Variants in COL5A1 observed in about 807,000 individuals in gnomAD.
COL5A1 encodes the protein collagen alpha-1(V) chain.
COL5A1 carries 16 observed loss-of-function variants against 263.7 expected under a neutral mutation model. The observed-to-expected ratio is 0.06, with a 90% CI of 0.04 to 0.09. COL5A1 has a LOEUF of 0.09. Ranked by LOEUF, COL5A1 falls within the 10% of genes least tolerant of loss-of-function variation. The pLI is 1.00. For missense variants in COL5A1, 2,036 were observed against 2,540.5 expected (o/e 0.80, Z 4.27); for synonymous variants, 1,012 against 1,004.5 (o/e 1.01, Z -0.14).
intron 1 of COL5A1, among the ~76,000 whole-genome samples, chr9:134,683,675 C>T (rs1375592972): frequency 6.6e-6 from 1 of 152,196 alleles, no homozygotes; most frequent in Non-Finnish European, 1.5e-5. Flanking sequence ...TGTGCAGGCC[C>T]CGGTCCTGCC....
At chr9:134,673,459 CAAA>C (rs35466442) in intron 1 of COL5A1, among the ~76,000 whole-genome samples, 195 of 103,068 alleles carry the variant, frequency 1.9e-3, no homozygotes, top group African/African-American at 6.2e-3. Context: ...GACTCCATCT[CAAA>C]AAAAAAAAAA....
Position 134,818,639 on chromosome 9 carries a change from C to T in COL5A1, c.4231-17C>T, listed in dbSNP as rs1383759096. 4 of 1,590,222 alleles carry T rather than the reference C, an allele frequency of 2.5e-6. No homozygotes were observed. Among genetic ancestry groups the T allele is most frequent in the East Asian group, 2.3e-5 (1 of 44,202 alleles). Reference sequence around the variant, plus strand: ...CCTAGAGCTCCGGACCTCATTCTGCCCTCCGCCGTCCTGCAGGGAGAAGCC... The same window carrying T: ...CCTAGAGCTCCGGACCTCATTCTGCTCTCCGCCGTCCTGCAGGGAGAAGCC... On this transcript the variant is annotated splice_polypyrimidine_tract_variant and intron_variant, in intron 54 of 65. Coordinates refer to ENST00000371817, the MANE Select transcript of COL5A1 (RefSeq NM_000093.5). This position sits in a 1 kb window ranked among gnomAD's most constrained non-coding sequence, Gnocchi z 6.0.
chr9:134,837,998 C>T (rs1308511527), intron 65 of COL5A1, among the ~76,000 whole-genome samples: 2 of 152,212 alleles, frequency 1.3e-5, no homozygotes, highest in Non-Finnish European at 2.9e-5. Flanking sequence ...CTCACTACCT[C>T]CTGAGACAGC....
intron 4 of COL5A1, among the ~76,000 whole-genome samples, chr9:134,701,788 C>T (rs767054183): frequency 2.0e-5 from 3 of 152,214 alleles, no homozygotes; most frequent in East Asian, 1.9e-4. Context: ...CGACCCAACT[C>T]GGGCTGGCCT....
In COL5A1 at chr9:134,742,154, A is replaced by G. The variant is rs1444766790; in HGVS notation, c.1494+3346A>G. On this transcript the variant is annotated intron_variant, in intron 11 of 65. Transcript: ENST00000371817. The surrounding 1 kb of genome is among the most constrained non-coding windows in gnomAD (Gnocchi z 4.6). ...TCACACACTCTGGTGAGCCCTGCAC[A>G]CTCTCCCGCTGCTCCCCTTGGATGA... Among the ~76,000 whole-genome samples the G allele has an allele frequency of 1.3e-5, 2 of 151,308 alleles. No individual in the cohort carries two copies. Among genetic ancestry groups the G allele is most frequent in the East Asian group, 3.9e-4 (2 of 5,124 alleles).
At chr9:134,773,464 C>G (rs979385347) in intron 26 of COL5A1, among the ~76,000 whole-genome samples, 1 of 152,174 alleles carries the variant, frequency 6.6e-6, no homozygotes, top group East Asian at 1.9e-4. Flanking sequence ...GTGCGCCAAC[C>G]TTCGTTCACC....
intron 1 of COL5A1, among the ~76,000 whole-genome samples, chr9:134,671,242 C>T (rs1211305465): frequency 6.6e-6 from 1 of 152,226 alleles, no homozygotes; most frequent in African/African-American, 2.4e-5. Context: ...CGGAGGGGAC[C>T]TTGAAGCTTG....
chr9:134,838,732 G>A (rs545796372), intron 65 of COL5A1, among the ~76,000 whole-genome samples: 237 of 152,338 alleles, frequency 1.6e-3, no homozygotes, highest in African/African-American at 5.5e-3. Flanking sequence ...CCCCAGGGCT[G>A]TTCTACTTCT....
intron 1 of COL5A1, among the ~76,000 whole-genome samples, chr9:134,685,071 T>TCCA (rs1832976032): frequency 7.3e-6 from 1 of 136,398 alleles, no homozygotes; most frequent in Non-Finnish European, 1.6e-5. Context: ...CATCCATCCA[T>TCCA]CCATCCATCC....
intron 20 of COL5A1, among the ~76,000 whole-genome samples, chr9:134,764,410 C>T (rs1262389981): frequency 9.2e-6 from 1 of 108,344 alleles, no homozygotes; most frequent in Non-Finnish European, 1.8e-5. Flanking sequence ...CATCCAGGGG[C>T]ATTGTGGGGG....
rs112797265 is a variant in COL5A1, at chr9:134,780,353, C to T, written c.2430+207C>T. On this transcript the variant is annotated intron_variant, in intron 28 of 65. Coordinates refer to ENST00000371817, the MANE Select transcript of COL5A1 (RefSeq NM_000093.5). Reference sequence around the variant, plus strand: ...AGTTGAGGATAGGCCCTCGGGTCCCCAGGGGCACATCTCCTAGCAGAGCTG... The same window carrying T: ...AGTTGAGGATAGGCCCTCGGGTCCCTAGGGGCACATCTCCTAGCAGAGCTG... Among the ~76,000 whole-genome samples the T allele has an allele frequency of 1.2e-3, 185 of 152,280 alleles. 1 individual carries two copies. Among genetic ancestry groups the T allele is most frequent in the African/African-American group, 4.2e-3 (176 of 41,552 alleles).
chr9:134,771,419 C>A (rs1263164564), intron 25 of COL5A1, among the ~76,000 whole-genome samples: 1 of 152,216 alleles, frequency 6.6e-6, no homozygotes, highest in Non-Finnish European at 1.5e-5. Context: ...AGCACGTCCC[C>A]TCCCAGCTGG....
At chr9:134,654,024 GAGTTGTGTA>G (rs1831794847) in intron 1 of COL5A1, among the ~76,000 whole-genome samples, 1 of 147,246 alleles carries the variant, frequency 6.8e-6, no homozygotes, top group Non-Finnish European at 1.5e-5. Flanking sequence ...TGTAGGGCTG[GAGTTGTGTA>G]GAGCTGGTGT....
intron 27 of COL5A1, among the ~76,000 whole-genome samples, chr9:134,777,243 C>T (rs1837086424): frequency 6.6e-6 from 1 of 152,250 alleles, no homozygotes; most frequent in African/African-American, 2.4e-5. Flanking sequence ...GAGTTCACAT[C>T]CAGGCCTTGG....
At position 134,680,582 on chromosome 9, in the gene COL5A1, G is replaced by A. The variant is rs867089025; in HGVS notation, c.110-10330G>A. 6.6e-6 allele frequency among the ~76,000 whole-genome samples: 1 copy of A among 152,216 alleles called. No individual in the cohort carries two copies. The highest frequency in any genetic ancestry group is 6.5e-5 in the Admixed American group (1 of 15,282). ...TGCTGCTCTCTGCTGTACCATGTCC[G>A]GTGAGGTCCTGAAGTGCAAAAGGCC... On this transcript the variant is annotated intron_variant, in intron 1 of 65. Coordinates refer to ENST00000371817, the MANE Select transcript of COL5A1 (RefSeq NM_000093.5). This position sits in a 1 kb window ranked among gnomAD's most constrained non-coding sequence, Gnocchi z 5.9.
intron 26 of COL5A1, among the ~76,000 whole-genome samples, chr9:134,774,036 G>A (rs988618282): frequency 6.6e-6 from 1 of 152,236 alleles, no homozygotes; most frequent in African/African-American, 2.4e-5. Flanking sequence ...CACAGTGCCC[G>A]GAACTGGTGC....
At chr9:134,787,903 T>A (rs891555701) in intron 31 of COL5A1, among the ~76,000 whole-genome samples, 3 of 152,182 alleles carry the variant, frequency 2.0e-5, no homozygotes, top group African/African-American at 4.8e-5. Flanking sequence ...ATGATGAAAC[T>A]CCATTTGGCT....
chr9:134,650,985 A>G (rs1375658534), intron 1 of COL5A1, among the ~76,000 whole-genome samples: 1 of 152,176 alleles, frequency 6.6e-6, no homozygotes, highest in Non-Finnish European at 1.5e-5. Flanking sequence ...CCGTACAGTC[A>G]CATGCATGGA....
intron 43 of COL5A1, among the ~76,000 whole-genome samples, chr9:134,809,607 C>T (rs754882228): frequency 2.0e-5 from 3 of 152,226 alleles, no homozygotes; most frequent in Non-Finnish European, 4.4e-5. Flanking sequence ...CGAATAATTT[C>T]AAATTCCGAA....
Sources: allele counts gnomAD v4.1 joint callset (sites outside exome capture counted in the v4.1 genomes callset), GRCh38; gene constraint gnomAD v4.1.1; non-coding constraint Gnocchi (gnomAD v3.1); transcripts MANE v1.5; gene names NCBI Gene and HGNC (gene_info 2026-07-23, HGNC 2026-07-21).